The following NEO1 variants were observed in gnomAD, a reference collection of about 807,000 sequenced individuals.
The protein encoded by NEO1 is neogenin.
NEO1 carries 63 observed loss-of-function variants against 159.7 expected under a neutral mutation model. The observed-to-expected ratio is 0.39, with a 90% confidence interval of 0.32 to 0.49. The LOEUF is 0.49. NEO1 is among the 20% of genes least tolerant of loss of function. The pLI, the probability that NEO1 is intolerant of heterozygous loss-of-function variation, is 0.85. For synonymous variants in NEO1, 633 were observed against 662.0 expected (o/e 0.96, Z 0.67); for missense variants, 1,615 against 1,831.0 (o/e 0.88, Z 2.15).
rs776500059 is a variant in NEO1, at chr15:73,273,948, C to T, written c.3103C>T (p.Arg1035Trp). 1.9e-6 allele frequency: 3 copies of T among 1,614,100 alleles called. No homozygotes were observed. Among genetic ancestry groups the T allele is most frequent in the South Asian group, 1.1e-5 (1 of 91,082 alleles). The part of the protein sequence containing the change: ...DTPYYFKIQA[R>W]NSKGMGPMSE... ...ACCATACTACTTCAAAATCCAGGCA[C>T]GGAACTCAAAGGGCATGGGACCCAT... The change falls in exon 20 of 29, where the codon CGG (arginine) becomes TGG (tryptophan). Residue 1035 changes from arginine to tryptophan, a missense_variant. Coordinates refer to ENST00000261908, the MANE Select transcript of NEO1 (RefSeq NM_002499.4).
At chr15:73,233,350 AT>A (rs2039012087) in intron 7 of NEO1, among the ~76,000 whole-genome samples, 2 of 152,206 alleles carry the variant, frequency 1.3e-5, no homozygotes, top group South Asian at 4.1e-4. Flanking sequence ...TGCTTTACAA[AT>A]GGTATATCAT....
intron 4 of NEO1, among the ~76,000 whole-genome samples, chr15:73,134,164 G>A (rs2031471603): frequency 6.6e-6 from 1 of 152,118 alleles, no homozygotes; most frequent in Non-Finnish European, 1.5e-5. Context: ...AGGCACCAAA[G>A]ACCCGTCTTA....
At chr15:73,216,269 T>C (rs2037877260) in intron 7 of NEO1, among the ~76,000 whole-genome samples, 1 of 152,232 alleles carries the variant, frequency 6.6e-6, no homozygotes, top group South Asian at 2.1e-4. Flanking sequence ...AACTCATCAT[T>C]TTTTATGGCT....
intron 18 of NEO1, among the ~76,000 whole-genome samples, chr15:73,271,004 C>G (rs550987268): frequency 9.9e-5 from 15 of 152,196 alleles, no homozygotes; most frequent in Admixed American, 2.6e-4. Flanking sequence ...TCTGCTACCC[C>G]CTGGGCTTTC....
chr15:73,085,606 A>G (rs2069312232), intron 1 of NEO1, among the ~76,000 whole-genome samples: 1 of 152,156 alleles, frequency 6.6e-6, no homozygotes. Flanking sequence ...TATGGGAGTT[A>G]TAGTTGATTG....
chr15:73,167,598 C>G (rs543609152), intron 5 of NEO1, among the ~76,000 whole-genome samples: 1 of 152,270 alleles, frequency 6.6e-6, no homozygotes, highest in South Asian at 2.1e-4. Flanking sequence ...TTCACAATAA[C>G]TGAAACATGG....
chr15:73,174,204 A>G (rs1237013999), intron 5 of NEO1, among the ~76,000 whole-genome samples: 2 of 152,168 alleles, frequency 1.3e-5, no homozygotes, highest in Non-Finnish European at 2.9e-5. Flanking sequence ...AGCTATGACT[A>G]CCTCTTGAGC....
chr15:73,230,827 A>G (rs1034533358), intron 7 of NEO1, among the ~76,000 whole-genome samples: 3 of 152,120 alleles, frequency 2.0e-5, no homozygotes, highest in Non-Finnish European at 2.9e-5. Context: ...TCTGGGCTCA[A>G]GTGATCCACC....
At chr15:73,200,670 C>CTTT (rs931779531) in intron 7 of NEO1, among the ~76,000 whole-genome samples, 259 of 92,798 alleles carry the variant, frequency 2.8e-3, no homozygotes, top group Non-Finnish European at 3.5e-3. Flanking sequence ...ATTCCCTTAT[C>CTTT]TTTTTTTTTT....
chr15:73,124,252 T>TG (rs35128506), intron 3 of NEO1, among the ~76,000 whole-genome samples: 60,970 of 151,738 alleles, frequency 0.4, 13,475 homozygotes, highest in Middle Eastern at 0.51. Flanking sequence ...TTTTTAGAGA[T>TG]GGATTTTGCC....
intron 1 of NEO1, among the ~76,000 whole-genome samples, chr15:73,075,410 G>A (rs1357566548): frequency 6.6e-6 from 1 of 152,150 alleles, no homozygotes; most frequent in African/African-American, 2.4e-5. Flanking sequence ...TTAAGAATCA[G>A]TGTGTCTCAA....
chr15:73,143,793 C>A (rs917264175), intron 5 of NEO1, among the ~76,000 whole-genome samples: 3 of 152,160 alleles, frequency 2.0e-5, no homozygotes, highest in Admixed American at 2.0e-4. Context: ...TCCTGATAGA[C>A]CCTCAAGATT....
intron 7 of NEO1, among the ~76,000 whole-genome samples, chr15:73,228,227 A>C (rs182010173): frequency 2.0e-5 from 3 of 152,164 alleles, no homozygotes; most frequent in Non-Finnish European, 4.4e-5. Flanking sequence ...TGTAGGCCAC[A>C]TGTAGTAAAA....
intron 23 of NEO1, among the ~76,000 whole-genome samples, chr15:73,285,241 T>C (rs969894219): frequency 1.3e-5 from 2 of 152,074 alleles, no homozygotes; most frequent in African/African-American, 4.8e-5. Context: ...TGCCTCAGCC[T>C]CCCAAGTAGC....
chr15:73,159,313 C>CA, intron 5 of NEO1, among the ~76,000 whole-genome samples: 1 of 152,084 alleles, frequency 6.6e-6, no homozygotes, highest in East Asian at 1.9e-4. Context: ...ATTGTCTCCT[C>CA]ATATGTCAGT....
intron 7 of NEO1, among the ~76,000 whole-genome samples, chr15:73,230,559 A>AT (rs1440670295): frequency 6.6e-6 from 1 of 152,084 alleles, no homozygotes; most frequent in Non-Finnish European, 1.5e-5. Context: ...GCATCCTGTA[A>AT]TTTTTAATAC....
intron 11 of NEO1, among the ~76,000 whole-genome samples, chr15:73,251,046 C>T (rs2040040262): frequency 6.6e-6 from 1 of 152,142 alleles, no homozygotes; most frequent in Non-Finnish European, 1.5e-5. Context: ...AGTCATCTCT[C>T]AGATGATTCA....
intron 7 of NEO1, among the ~76,000 whole-genome samples, chr15:73,221,358 G>A (rs2038248095): frequency 6.6e-6 from 1 of 152,240 alleles, no homozygotes; most frequent in Non-Finnish European, 1.5e-5. Flanking sequence ...CTCCCAGTTA[G>A]GCTGCTCAGG....
chr15:73,249,848 T>G, intron 11 of NEO1, 127 bp downstream of exon 11: 1 of 1,100,730 alleles, frequency 9.1e-7, no homozygotes, highest in Non-Finnish European at 1.3e-6. Flanking sequence ...TCTGGTAATA[T>G]GACTTTAGTC....
Sources: allele counts gnomAD v4.1 joint callset (sites outside exome capture counted in the v4.1 genomes callset), GRCh38; gene constraint gnomAD v4.1.1; transcripts MANE v1.5; gene names NCBI Gene and HGNC (gene_info 2026-07-23, HGNC 2026-07-21).